Variants in PDCD7 observed in about 807,000 individuals in gnomAD.
PDCD7 encodes the protein programmed cell death 7.
Under a neutral mutation model 42.1 loss-of-function variants are expected in PDCD7, and 40 were observed. The observed-to-expected ratio is 0.95, with a 90% CI of 0.74 to 1.24. PDCD7 has a LOEUF of 1.24. Ranked by LOEUF, PDCD7 falls within the 50% of genes most tolerant of loss-of-function variation. The pLI is 0.00. For synonymous variants in PDCD7, 299 were observed against 303.3 expected (o/e 0.99, Z 0.15); for missense variants, 644 against 662.8 (o/e 0.97, Z 0.31).
rs781469770 is a variant in PDCD7 at position 65,132,963 on chromosome 15, C to T, written c.819G>A (p.Glu273=). The T allele has an allele frequency of 1.2e-6, 2 of 1,606,440 alleles. No homozygotes were observed. The highest frequency in any genetic ancestry group is 1.6e-4 in the Middle Eastern group (1 of 6,062). The change falls in exon 1 of 5, where the codon GAG becomes GAA. Residue 273 remains glutamate (E), a synonymous_variant. Transcript: ENST00000204549. Reference sequence around the variant, plus strand: ...CACACTTCACCCTCCAGCGGTCAATCTCCTGCTCGCGTTCCACTGCCCGCG... The same window carrying T: ...CACACTTCACCCTCCAGCGGTCAATTTCCTGCTCGCGTTCCACTGCCCGCG... ...EAARAVEREQ[E]IDRWRVKCVQ...
At position 65,126,770 on chromosome 15, in the gene PDCD7, CA is replaced by C. The variant is rs1475202005; in HGVS notation, c.1009+2261del. Among the ~76,000 whole-genome samples the C allele has an allele frequency of 5.6e-3, 732 of 131,736 alleles. 3 individuals carry two copies. The highest frequency in any genetic ancestry group is 9.4e-3 in the Non-Finnish European group (571 of 60,534). 86.4% of individuals were successfully genotyped at this position (131,736 alleles called of 152,430 possible). ...CCCTGTCTTTTAAAAAAAAAAAAAG[CA>C]AAAAAAAAAAGCTATCTTCACTTAT... On this transcript the variant is annotated intron_variant, in intron 2 of 4. Transcript: ENST00000204549.
At chr15:65,122,514 T>C (rs1474966884) in intron 2 of PDCD7, among the ~76,000 whole-genome samples, 1 of 152,214 alleles carries the variant, frequency 6.6e-6, no homozygotes, top group Non-Finnish European at 1.5e-5. Flanking sequence ...CACTTCTCCC[T>C]GTTGATTCTG....
intron 2 of PDCD7, among the ~76,000 whole-genome samples, chr15:65,122,485 G>A (rs903988189): frequency 2.7e-4 from 41 of 151,966 alleles, no homozygotes; most frequent in Admixed American, 1.9e-3. Flanking sequence ...ATAGTTCAAC[G>A]TTACATGTAT....
intron 1 of PDCD7, 145 bp from the exon 2 acceptor site, chr15:65,129,315 C>T (rs2087521255): frequency 2.4e-6 from 2 of 847,526 alleles, no homozygotes; most frequent in Admixed American, 5.0e-5. Flanking sequence ...ATTTCTTAGG[C>T]CTTGCACAAC....
chr15:65,133,123 G>C lies in PDCD7; in HGVS notation c.659C>G (p.Ala220Gly). Residue 220 changes from alanine (A) to glycine (G), a missense_variant, in exon 1 of 5, where the codon GCC becomes GGC. Physicochemically the swap from Ala to Gly is moderately conservative, Grantham distance 60. Coordinates refer to ENST00000204549, the MANE Select transcript of PDCD7 (RefSeq NM_005707.2). Reference sequence around the variant, plus strand: ...CTGGGTCAACGGCTGTAGCCGCTCGGCCAGTTCCGCGCGCAGCGGCGCGGT... The same window carrying C: ...CTGGGTCAACGGCTGTAGCCGCTCGCCCAGTTCCGCGCGCAGCGGCGCGGT... ...SQTAPLRAEL[A>G]ERLQPLTQAA... 6.5e-7 allele frequency: 1 copy of C among 1,541,442 alleles called. No individual in the cohort carries two copies. The highest frequency in any genetic ancestry group is 1.9e-4 in the Middle Eastern group (1 of 5,286).
chr15:65,118,942 T>C (rs1043953860), intron 4 of PDCD7, 102 bp from the exon 5 acceptor site: 12 of 755,262 alleles, frequency 1.6e-5, no homozygotes, highest in African/African-American at 3.6e-5. Flanking sequence ...ATGACTGATA[T>C]ACTAATCTAT....
chr15:65,132,552 T>A (rs1595929879), intron 1 of PDCD7, among the ~76,000 whole-genome samples: 1 of 152,138 alleles, frequency 6.6e-6, no homozygotes, highest in Non-Finnish European at 1.5e-5. Flanking sequence ...GCCCGGCCTG[T>A]ATTTTGTATT....
intron 2 of PDCD7, among the ~76,000 whole-genome samples, chr15:65,126,566 C>T (rs2087497806): frequency 6.6e-6 from 1 of 151,868 alleles, no homozygotes; most frequent in Non-Finnish European, 1.5e-5. Context: ...CCAGCTTGGG[C>T]AACATGGCGA....
At chr15:65,123,831 T>A (rs1165206708) in intron 2 of PDCD7, among the ~76,000 whole-genome samples, 1 of 152,224 alleles carries the variant, frequency 6.6e-6, no homozygotes, top group Non-Finnish European at 1.5e-5. Context: ...TTTTCAAGTA[T>A]ACACAAAATT....
intron 1 of PDCD7, 37 bp downstream of exon 1, chr15:65,132,875 C>T (rs773109793): frequency 1.6e-5 from 25 of 1,596,926 alleles, no homozygotes; most frequent in Non-Finnish European, 2.1e-5. Context: ...TTCCAACCAC[C>T]ACCACTCCTA....
intron 2 of PDCD7, among the ~76,000 whole-genome samples, chr15:65,121,545 A>C (rs2087455167): frequency 6.6e-6 from 1 of 152,212 alleles, no homozygotes; most frequent in South Asian, 2.1e-4. Context: ...AGGAAGATAC[A>C]CTTAAAACAA....
intron 2 of PDCD7, among the ~76,000 whole-genome samples, chr15:65,127,335 T>C (rs1010937154): frequency 6.6e-6 from 1 of 151,616 alleles, no homozygotes; most frequent in African/African-American, 2.4e-5. Context: ...TGGGCGCCTG[T>C]AGTCCCAGCT....
chr15:65,124,551 C>T (rs2087481240), intron 2 of PDCD7, among the ~76,000 whole-genome samples: 1 of 152,184 alleles, frequency 6.6e-6, no homozygotes, highest in Non-Finnish European at 1.5e-5. Context: ...CCTGCAGCTC[C>T]TAGACACCAA....
At position 65,119,656 on chromosome 15, in the gene PDCD7, C is replaced by A. The variant is rs781065359; in HGVS notation, c.1246+62G>T. The A allele has an allele frequency of 2.0e-5, 31 of 1,528,136 alleles. No homozygotes were observed. The Admixed American group carries it at 3.7e-4, about 18-fold the overall frequency. The allele number at this position is 1,528,136 out of a possible 1,614,324, so 94.7% of individuals were successfully genotyped here. A position where few individuals can be genotyped will look rare whatever the true frequency, so the allele number is the denominator to read the frequency against. ...TACCACCTCTTAGCTTGAGATCACC[C>A]GTGATGAGAAGAGCGTCAATCTAGT... On this transcript the variant is annotated intron_variant, in intron 3 of 4. Transcript: ENST00000204549.
At chr15:65,129,915 ATTTTTTTTT>A (rs746709395) in intron 1 of PDCD7, among the ~76,000 whole-genome samples, 8 of 84,956 alleles carry the variant, frequency 9.4e-5, no homozygotes, top group Admixed American at 1.2e-4. Context: ...GAAACTTTGT[ATTTTTTTTT>A]TTTTTTTTTT....
At chr15:65,124,630 T>C (rs908155146) in intron 2 of PDCD7, among the ~76,000 whole-genome samples, 1 of 152,108 alleles carries the variant, frequency 6.6e-6, no homozygotes, top group Non-Finnish European at 1.5e-5. Flanking sequence ...CTTGGCATTA[T>C]CAGAAAAAAC....
In PDCD7 at chr15:65,133,323, G is replaced by T; in HGVS notation, c.459C>A (p.Thr153=). The T allele has an allele frequency of 7.8e-7, 1 of 1,289,984 alleles. No individual in the cohort carries two copies. The allele number at this position is 1,289,984 out of a possible 1,614,324, so 79.9% of individuals were successfully genotyped here. Residue 153 remains threonine, a synonymous_variant, in exon 1 of 5, where the codon ACC becomes ACA. Coordinates refer to ENST00000204549, the MANE Select transcript of PDCD7 (RefSeq NM_005707.2). ...GCACCGGACAGCCTGCCCGCCGCGG[G>T]GTCCCGAACACCGCCTCCAGCCACT... The part of the protein sequence containing the change: ...DRQWLEAVFG[T]PRRAGCPVPQ...
chr15:65,129,050 CTTTCCTCAG>C lies in PDCD7; in HGVS notation c.982_990del (p.Leu328_Lys330del), dbSNP rs1566972866. The C allele has an allele frequency of 1.2e-6, 2 of 1,614,154 alleles. No homozygotes were observed. The highest frequency in any genetic ancestry group is 2.2e-5 in the East Asian group (1 of 44,890). On this transcript the variant is annotated inframe_deletion, in exon 2 of 5. Coordinates refer to ENST00000204549, the MANE Select transcript of PDCD7 (RefSeq NM_005707.2). ...CAGTTACCTTTCCTCGCTGCAGCCT[CTTTCCTCAG>C]TTTCCTCAATTTCTCCAAAGCCCGT...
At chr15:65,131,274 G>C (rs2087538091) in intron 1 of PDCD7, among the ~76,000 whole-genome samples, 1 of 152,208 alleles carries the variant, frequency 6.6e-6, no homozygotes, top group East Asian at 1.9e-4. Context: ...CTGATGATTT[G>C]TCACTGTCTC....
Sources: allele counts gnomAD v4.1 joint callset (sites outside exome capture counted in the v4.1 genomes callset), GRCh38; gene constraint gnomAD v4.1.1; transcripts MANE v1.5; gene names NCBI Gene and HGNC (gene_info 2026-07-23, HGNC 2026-07-21).